INPP5B: variants seen among roughly 807,000 people sequenced by gnomAD.
INPP5B encodes the protein type II inositol 1,4,5-trisphosphate 5-phosphatase.
INPP5B carries 90 observed loss-of-function variants against 118.5 expected under a neutral mutation model. That is an observed-to-expected ratio of 0.76 (90% CI 0.64 to 0.90). The LOEUF is 0.90. Ranked by LOEUF, INPP5B falls within the 40% of genes least tolerant of loss-of-function variation. INPP5B has a pLI of 0.00. For missense variants in INPP5B, 984 were observed against 1,125.6 expected, an observed-to-expected ratio of 0.87 and a Z score of 1.80; for synonymous variants, 385 against 418.9, an observed-to-expected ratio of 0.92 and a Z score of 0.99.
intron 7 of INPP5B, among the ~76,000 whole-genome samples, chr1:37,913,960 AC>A (rs997405579): frequency 2.0e-5 from 3 of 150,400 alleles, no homozygotes; most frequent in Non-Finnish European, 4.4e-5. Flanking sequence ...GATATATTCT[AC>A]CCCCCCACTT....
Position 37,862,030 on chromosome 1 carries a change from C to T in INPP5B, c.*285G>A, listed in dbSNP as rs996826091. On this transcript the variant is annotated 3_prime_UTR_variant, in exon 24 of 24. Transcript: ENST00000373024. ...CACCCTGCGCGACAGAGCAAAACTCCGTCTCAAAATAAAAAAAAATAAAAA... is the reference window on the plus strand; with the variant it reads ...CACCCTGCGCGACAGAGCAAAACTCTGTCTCAAAATAAAAAAAAATAAAAA... 5 of 272,498 alleles carry T rather than the reference C, an allele frequency of 1.8e-5. No individual in the cohort carries two copies. Among genetic ancestry groups the T allele is most frequent in the South Asian group, 5.2e-5 (1 of 19,328 alleles). 16.9% of individuals were successfully genotyped at this position (272,498 alleles called of 1,614,324 possible).
intron 7 of INPP5B, among the ~76,000 whole-genome samples, chr1:37,913,974 G>A (rs1289644859): frequency 6.6e-6 from 1 of 151,684 alleles, no homozygotes; most frequent in Non-Finnish European, 1.5e-5. Flanking sequence ...CCCCACTTAA[G>A]AAGGTGCTTC....
intron 7 of INPP5B, chr1:37,929,521 T>C (rs910022165): frequency 1.3e-5 from 2 of 152,072 alleles, no homozygotes; most frequent in African/African-American, 4.8e-5. Flanking sequence ...TACTACTCTG[T>C]TTCCCTTGGG....
intron 6 of INPP5B, among the ~76,000 whole-genome samples, chr1:37,932,304 C>T (rs1645514759): frequency 6.6e-6 from 1 of 152,026 alleles, no homozygotes; most frequent in African/African-American, 2.4e-5. Context: ...TATCTTCCTA[C>T]TCCTCGTAAC....
intron 1 of INPP5B, 38 bp from the exon 2 acceptor site, chr1:37,946,372 A>T (rs1469936011): frequency 4.6e-6 from 7 of 1,514,460 alleles, no homozygotes; most frequent in Non-Finnish European, 6.3e-6. Context: ...TTTGGTCAAC[A>T]AGTTACGCAT....
intron 5 of INPP5B, among the ~76,000 whole-genome samples, chr1:37,941,159 A>T (rs901303848): frequency 1.3e-5 from 2 of 152,122 alleles, no homozygotes; most frequent in Non-Finnish European, 2.9e-5. Context: ...GGGTCAGTCT[A>T]CCTGACTATG....
intron 7 of INPP5B, among the ~76,000 whole-genome samples, chr1:37,923,124 G>T (rs1441861039): frequency 5.3e-5 from 8 of 152,190 alleles, no homozygotes; most frequent in Non-Finnish European, 1.2e-4. Context: ...GCTAGAAATT[G>T]TATGGGTCTC....
intron 13 of INPP5B, chr1:37,885,391 G>A (rs1643466484): frequency 8.5e-6 from 3 of 351,950 alleles, no homozygotes; most frequent in Non-Finnish European, 1.1e-5. Context: ...TCCAGCCTAG[G>A]CGACAGAGCG....
intron 7 of INPP5B, among the ~76,000 whole-genome samples, chr1:37,914,483 C>A (rs1644803712): frequency 2.0e-5 from 3 of 152,078 alleles, no homozygotes; most frequent in Non-Finnish European, 4.4e-5. Context: ...GCCCCATTTC[C>A]CATCCCCACT....
At chr1:37,904,503 A>G (rs1000520747) in intron 7 of INPP5B, among the ~76,000 whole-genome samples, 12 of 152,190 alleles carry the variant, frequency 7.9e-5, no homozygotes, top group Non-Finnish European at 1.6e-4. Context: ...GGTATTATTC[A>G]GTTTTTCTGT....
In INPP5B at chr1:37,943,856, C is replaced by T. The variant is rs747821938; in HGVS notation, c.190G>A (p.Gly64Arg). Residue 64 changes from glycine to arginine, a missense_variant, in exon 4 of 24, where the codon GGG becomes AGG. Gly to Arg is a moderately radical substitution (Grantham distance 125, BLOSUM62 -2). Transcript: ENST00000373024. ...LYTHRRMAIT[G>R]DDVSLDQIVP... ...ATCTGGTCCAGAGAGACATCGTCCC[C>T]GGTAATGGCCATCCTCCGGTGCGTA... The T allele has an allele frequency of 2.4e-5, 39 of 1,614,076 alleles. No homozygotes were observed. Among genetic ancestry groups the T allele is most frequent in the Non-Finnish European group, 3.0e-5 (35 of 1,179,998 alleles).
intron 3 of INPP5B, among the ~76,000 whole-genome samples, chr1:37,944,803 G>T (rs61118018): frequency 3.3e-5 from 5 of 151,326 alleles, no homozygotes; most frequent in South Asian, 2.1e-4. Context: ...GGCGGGGTAG[G>T]GGGGGCGGTC....
intron 7 of INPP5B, among the ~76,000 whole-genome samples, chr1:37,917,099 A>C (rs1644891150): frequency 6.7e-6 from 1 of 148,554 alleles, no homozygotes. Context: ...GACCAGCCTG[A>C]CCAACATGGT....
chr1:37,875,229 T>C (rs996266648), intron 17 of INPP5B, among the ~76,000 whole-genome samples: 2 of 152,108 alleles, frequency 1.3e-5, no homozygotes, highest in African/African-American at 4.8e-5. Flanking sequence ...TGAGCTCCAA[T>C]AGATGAGGAG....
intron 5 of INPP5B, among the ~76,000 whole-genome samples, chr1:37,941,168 T>C (rs1487640083): frequency 1.3e-5 from 2 of 152,108 alleles, no homozygotes; most frequent in African/African-American, 2.4e-5. Context: ...TACCTGACTA[T>C]GCCAGGTAGT....
At chr1:37,896,470 TGGG>T (rs1557664317) in intron 7 of INPP5B, among the ~76,000 whole-genome samples, 1 of 118,300 alleles carries the variant, frequency 8.5e-6, no homozygotes, top group African/African-American at 3.4e-5. Flanking sequence ...GGGAGGGAGG[TGGG>T]GGGATCAGCC....
intron 12 of INPP5B, among the ~76,000 whole-genome samples, chr1:37,886,464 C>A (rs1371300503): frequency 6.6e-6 from 1 of 152,166 alleles, no homozygotes; most frequent in Non-Finnish European, 1.5e-5. Context: ...TTCACTAAAT[C>A]ACAGGCAAAC....
At chr1:37,901,008 C>G (rs1251256276) in intron 7 of INPP5B, among the ~76,000 whole-genome samples, 1 of 152,086 alleles carries the variant, frequency 6.6e-6, no homozygotes, top group Non-Finnish European at 1.5e-5. Flanking sequence ...GATGGGATTT[C>G]ACAATGTTGG....
chr1:37,940,604 T>G, intron 6 of INPP5B, 84 bp downstream of exon 6: 1 of 783,184 alleles, frequency 1.3e-6, no homozygotes, highest in Admixed American at 2.0e-5. Context: ...GGGGTAAGAG[T>G]CCAAAGGGTG....
Sources: gnomAD v4.1 joint callset for allele counts (sites outside exome capture counted in the v4.1 genomes callset) on GRCh38, gnomAD v4.1.1 for gene constraint, MANE v1.5 for transcripts, NCBI Gene and HGNC (gene_info 2026-07-23, HGNC 2026-07-21) for gene names.